PDZRN3: variants seen among roughly 807,000 people sequenced by gnomAD.
The protein encoded by PDZRN3 is E3 ubiquitin-protein ligase PDZRN3.
A neutral mutation model predicts 85.7 loss-of-function variants in PDZRN3; 38 were observed. That is an observed-to-expected ratio of 0.44 (90% CI 0.34 to 0.58). PDZRN3 has a LOEUF of 0.58. Ranked by LOEUF, PDZRN3 falls within the 20% of genes least tolerant of loss-of-function variation. The pLI, the probability that PDZRN3 is intolerant of heterozygous loss-of-function variation, is 0.01. For missense variants in PDZRN3, 1,629 were observed against 1,506.4 expected, an observed-to-expected ratio of 1.08 and a Z score of -1.35; for synonymous variants, 759 against 638.0, an observed-to-expected ratio of 1.19 and a Z score of -2.86.
At position 73,624,313 on chromosome 3, in the gene PDZRN3, G is replaced by C; in HGVS notation, c.513C>G (p.Gly171=). The C allele has an allele frequency of 7.6e-7, 1 of 1,316,666 alleles. No homozygotes were observed. Among genetic ancestry groups the C allele is most frequent in the Non-Finnish European group, 9.6e-7 (1 of 1,040,468 alleles). 81.6% of individuals were successfully genotyped at this position (1,316,666 alleles called of 1,614,324 possible). The change falls in exon 1 of 10, where the codon GGC becomes GGG. Residue 171 remains glycine, a synonymous_variant. Coordinates refer to ENST00000263666, the MANE Select transcript of PDZRN3 (RefSeq NM_015009.3). ...CCARALRAHN[G]ALQARLGALH... ...GCGCGCCCAGGCGGGCCTGGAGCGC[G>C]CCGTTGTGCGCCCGCAGCGCTCGCG...
At chr3:73,433,063 G>T (rs1423686346) in intron 3 of PDZRN3, among the ~76,000 whole-genome samples, 1 of 152,176 alleles carries the variant, frequency 6.6e-6, no homozygotes, top group African/African-American at 2.4e-5. Context: ...CATCTGATGT[G>T]AATGACAGCA....
chr3:73,600,535 T>C (rs1439887601), intron 3 of PDZRN3, among the ~76,000 whole-genome samples: 3 of 152,192 alleles, frequency 2.0e-5, no homozygotes, highest in Admixed American at 6.5e-5. Context: ...CGTTTCTCTA[T>C]TGTGGTCATC....
chr3:73,591,976 C>A (rs1702363165), intron 3 of PDZRN3, among the ~76,000 whole-genome samples: 1 of 152,156 alleles, frequency 6.6e-6, no homozygotes, highest in South Asian at 2.1e-4. Flanking sequence ...TCAGTGCACA[C>A]CCAACAAGTG....
chr3:73,604,512 C>G (rs745364652), intron 2 of PDZRN3, among the ~76,000 whole-genome samples: 6 of 152,192 alleles, frequency 3.9e-5, no homozygotes, highest in Non-Finnish European at 8.8e-5. Context: ...ATTACATGCT[C>G]TGTGTGCAAT....
chr3:73,578,204 C>T (rs1479093340), intron 3 of PDZRN3, among the ~76,000 whole-genome samples: 1 of 145,156 alleles, frequency 6.9e-6, no homozygotes, highest in African/African-American at 2.6e-5. Context: ...CGCTCTGTTG[C>T]CCAGGCTGGA....
intron 3 of PDZRN3, among the ~76,000 whole-genome samples, chr3:73,497,167 C>T (rs1329228652): frequency 1.3e-5 from 2 of 152,004 alleles, no homozygotes; most frequent in African/African-American, 4.8e-5. Context: ...TTAAATGTGG[C>T]CATTCAGGAA....
chr3:73,430,063 T>A (rs553338246), intron 3 of PDZRN3, among the ~76,000 whole-genome samples: 2 of 152,306 alleles, frequency 1.3e-5, no homozygotes, highest in East Asian at 3.9e-4. Flanking sequence ...TGGAAAATGA[T>A]TTATACAAGA....
chr3:73,552,266 A>C (rs1390274515), intron 3 of PDZRN3, among the ~76,000 whole-genome samples: 1 of 148,756 alleles, frequency 6.7e-6, no homozygotes, highest in Non-Finnish European at 1.5e-5. Flanking sequence ...GTGTACCCAA[A>C]CACCTTAGAA....
chr3:73,458,950 C>T (rs556532691), intron 3 of PDZRN3, among the ~76,000 whole-genome samples: 4 of 150,704 alleles, frequency 2.7e-5, no homozygotes, highest in East Asian at 2.0e-4. Context: ...CAAGATTGCA[C>T]CACTGCACTC....
At chr3:73,526,432 C>T (rs1238485314) in intron 3 of PDZRN3, among the ~76,000 whole-genome samples, 1 of 152,192 alleles carries the variant, frequency 6.6e-6, no homozygotes, top group African/African-American at 2.4e-5. Flanking sequence ...TAAGCCCCAG[C>T]CTTGCCAGCA....
In PDZRN3 at chr3:73,383,824, C is replaced by G. The variant is rs752998957; in HGVS notation, c.2742G>C (p.Pro914=). 1 of 1,613,792 alleles carries G rather than the reference C, an allele frequency of 6.2e-7. No homozygotes were observed. The highest frequency in any genetic ancestry group is 1.3e-5 in the African/African-American group (1 of 75,054). ...CCTTCCACTCCATGCGCGGCTCCGA[C>G]GGGGTGGGAGAGCTCAGGTCCTTGC... ...SMCKDLSSPT[P]SEPRMEWKVK... The change falls in exon 10 of 10, where the codon CCG becomes CCC. Residue 914 remains proline (P), a synonymous_variant. Transcript: ENST00000263666.
intron 3 of PDZRN3, among the ~76,000 whole-genome samples, chr3:73,428,057 A>G (rs57281027): frequency 1.3e-5 from 2 of 152,226 alleles, no homozygotes; most frequent in East Asian, 3.9e-4. Context: ...AGAAGGAAGG[A>G]ATAAGGTGGG....
In PDZRN3 at chr3:73,383,969, G is replaced by T; in HGVS notation, c.2597C>A (p.Ser866Tyr). 1 of 1,597,188 alleles carries T rather than the reference G, an allele frequency of 6.3e-7. No homozygotes were observed. Among genetic ancestry groups the T allele is most frequent in the African/African-American group, 1.3e-5 (1 of 74,822 alleles). The change falls in exon 10 of 10, where the codon TCC becomes TAC. Residue 866 changes from serine (S) to tyrosine (Y), a missense_variant. Transcript: ENST00000263666. ...CGGGATGTGCGCGTGCTTGTATGGGGAGTGGTGATAGGAGGGCAGGTAGGC... is the reference window on the plus strand; with the variant it reads ...CGGGATGTGCGCGTGCTTGTATGGGTAGTGGTGATAGGAGGGCAGGTAGGC... Reference protein sequence around the residue: ...GSAYLPSYHHSPYKHAHIPAH... With the variant: ...GSAYLPSYHHYPYKHAHIPAH...
chr3:73,513,842 C>T (rs1459074587), intron 3 of PDZRN3, among the ~76,000 whole-genome samples: 1 of 152,146 alleles, frequency 6.6e-6, no homozygotes, highest in African/African-American at 2.4e-5. Flanking sequence ...AAGAGACACC[C>T]ACAAAATTTA....
In PDZRN3 at chr3:73,492,315, C is replaced by T. The variant is rs1032330488; in HGVS notation, c.919-87920G>A. Among the ~76,000 whole-genome samples, 123 of 152,260 alleles carry T rather than the reference C, an allele frequency of 8.1e-4. 1 individual carries two copies. The highest frequency in any genetic ancestry group is 2.7e-3 in the African/African-American group (114 of 41,538). Reference sequence around the variant, plus strand: ...TATCTCCTCCTGGGGATAACTAGGGCTCTGGAGTAGCTTATATCATAGGCT... The same window carrying T: ...TATCTCCTCCTGGGGATAACTAGGGTTCTGGAGTAGCTTATATCATAGGCT... On this transcript the variant is annotated intron_variant, in intron 3 of 9. Transcript: ENST00000263666.
chr3:73,585,898 A>T lies in PDZRN3; in HGVS notation c.918+16456T>A, dbSNP rs539024085. Reference sequence around the variant, plus strand: ...GCAAAGCTGGCACCTTCATAAGCAAAAAGCACAACTGCTAAAGGAAACTTA... The same window carrying T: ...GCAAAGCTGGCACCTTCATAAGCAATAAGCACAACTGCTAAAGGAAACTTA... On this transcript the variant is annotated intron_variant, in intron 3 of 9. Coordinates refer to ENST00000263666, the MANE Select transcript of PDZRN3 (RefSeq NM_015009.3). Among the ~76,000 whole-genome samples the T allele has an allele frequency of 9.8e-4, 150 of 152,340 alleles. 1 individual carries two copies. Among genetic ancestry groups the T allele is most frequent in the Middle Eastern group, 3.4e-3 (1 of 294 alleles).
intron 3 of PDZRN3, among the ~76,000 whole-genome samples, chr3:73,416,418 C>T (rs112311779): frequency 6.6e-6 from 1 of 151,748 alleles, no homozygotes; most frequent in African/African-American, 2.4e-5. Flanking sequence ...TTTAATTGTT[C>T]TGCTACTAGA....
intron 3 of PDZRN3, chr3:73,434,025 T>G: frequency 1.0e-6 from 1 of 980,248 alleles, no homozygotes; most frequent in African/African-American, 1.6e-5. Flanking sequence ...ACGCTATATA[T>G]ACTGCTGCTC....
At chr3:73,576,278 A>G (rs1461179764) in intron 3 of PDZRN3, among the ~76,000 whole-genome samples, 1 of 152,198 alleles carries the variant, frequency 6.6e-6, no homozygotes. Context: ...CAGTTTAGAT[A>G]TATGATTAGA....
Sources: allele counts gnomAD v4.1 joint callset (sites outside exome capture counted in the v4.1 genomes callset), GRCh38; gene constraint gnomAD v4.1.1; transcripts MANE v1.5; gene names NCBI Gene and HGNC (gene_info 2026-07-23, HGNC 2026-07-21).